TFDP2: variants seen among roughly 807,000 people sequenced by gnomAD.
TFDP2 encodes the protein transcription factor Dp-2, also known as transcription factor Dp-2 (E2F dimerization partner 2).
In TFDP2, 17 loss-of-function variants were observed where a neutral mutation model predicts 59.3. The observed-to-expected ratio is 0.29, with a 90% confidence interval of 0.20 to 0.43. The LOEUF is 0.43. TFDP2 is among the 20% of genes least tolerant of loss of function. The pLI, the probability that TFDP2 is intolerant of heterozygous loss-of-function variation, is 1.00. For missense variants in TFDP2, 391 were observed against 528.8 expected, an observed-to-expected ratio of 0.74 and a Z score of 2.56; for synonymous variants, 180 against 194.7, an observed-to-expected ratio of 0.92 and a Z score of 0.63.
At chr3:142,047,933 G>A (rs944350071) in intron 3 of TFDP2, among the ~76,000 whole-genome samples, 2 of 151,566 alleles carry the variant, frequency 1.3e-5, no homozygotes, top group Non-Finnish European at 2.9e-5. Flanking sequence ...GTAGAGACGC[G>A]GTCTCACCAC....
At chr3:142,071,235 C>A (rs2060237931) in intron 3 of TFDP2, among the ~76,000 whole-genome samples, 1 of 151,852 alleles carries the variant, frequency 6.6e-6, no homozygotes, top group Non-Finnish European at 1.5e-5. Flanking sequence ...TGGCTTACTG[C>A]AAGCTCTGCC....
At chr3:141,961,334 C>G (rs1217763862) in intron 10 of TFDP2, among the ~76,000 whole-genome samples, 1 of 149,138 alleles carries the variant, frequency 6.7e-6, no homozygotes, top group Non-Finnish European at 1.5e-5. Context: ...AACTTCACCT[C>G]CTGGGTTCAA....
At chr3:142,149,155 G>A (rs1337047841) in intron 1 of TFDP2, 28 bp downstream of exon 1, 4 of 397,716 alleles carry the variant, frequency 1.0e-5, no homozygotes, top group Non-Finnish European at 1.8e-5. Context: ...CTCCGCGCGC[G>A]GGCCCGCGCC....
chr3:142,004,888 A>T (rs1324760527), intron 4 of TFDP2, among the ~76,000 whole-genome samples: 1 of 152,240 alleles, frequency 6.6e-6, no homozygotes, highest in Non-Finnish European at 1.5e-5. Context: ...AAAGAGGAAA[A>T]GACTTAATAC....
At position 141,952,630 on chromosome 3, in the gene TFDP2, G is replaced by A; in HGVS notation, c.1224C>T (p.Asn408=). The A allele has an allele frequency of 1.9e-6, 3 of 1,596,796 alleles. 1 individual carries two copies. The highest frequency in any genetic ancestry group is 2.3e-5 in the South Asian group (2 of 87,660). Residue 408 remains asparagine, a synonymous_variant, in exon 13 of 13, where the codon AAC becomes AAT. Transcript: ENST00000489671. Reference sequence around the variant, plus strand: ...AGGCCGCACTGCTGGACTGGTGACTGTTTGGGGCCAGGAACTGCCCAGTTG... The same window carrying A: ...AGGCCGCACTGCTGGACTGGTGACTATTTGGGGCCAGGAACTGCCCAGTTG... The part of the protein sequence containing the change: ...ALATGQFLAP[N]SHQSSSAASH...
intron 1 of TFDP2, among the ~76,000 whole-genome samples, chr3:142,126,975 A>G (rs1402038308): frequency 6.6e-6 from 1 of 150,430 alleles, no homozygotes; most frequent in African/African-American, 2.4e-5. Flanking sequence ...TTACAGTAAA[A>G]TGATGTTAAA....
chr3:142,044,527 C>A (rs948075841), intron 3 of TFDP2, among the ~76,000 whole-genome samples: 4 of 152,094 alleles, frequency 2.6e-5, no homozygotes, highest in Non-Finnish European at 5.9e-5. Flanking sequence ...AGCTGCCACA[C>A]CCGGCCTAAT....
chr3:142,047,419 A>G (rs1947394136), intron 3 of TFDP2, among the ~76,000 whole-genome samples: 1 of 152,164 alleles, frequency 6.6e-6, no homozygotes, highest in Admixed American at 6.5e-5. Context: ...ACGTATAGTC[A>G]ATCACTAATC....
intron 3 of TFDP2, among the ~76,000 whole-genome samples, chr3:142,056,531 T>C (rs1278354266): frequency 6.6e-6 from 1 of 152,140 alleles, no homozygotes; most frequent in Non-Finnish European, 1.5e-5. Context: ...GAACAATGAA[T>C]AATTTTTTAG....
At chr3:142,108,950 GAA>G (rs1432977315) in intron 1 of TFDP2, among the ~76,000 whole-genome samples, 2 of 152,120 alleles carry the variant, frequency 1.3e-5, no homozygotes, top group Non-Finnish European at 2.9e-5. Flanking sequence ...CTTCCTCCGG[GAA>G]AAACATCCGT....
chr3:142,141,255 T>G lies in TFDP2; in HGVS notation c.-93+7928A>C, dbSNP rs117377081. 3.5e-4 allele frequency among the ~76,000 whole-genome samples: 54 copies of G among 152,274 alleles called. No homozygotes were observed. In the East Asian group the frequency reaches 7.7e-3, roughly 22 times the overall value. ...CAGTATTTGGACGAGAGCGTCCCAT[T>G]TTTCCAGGTACAGTCTGTCACGGCT... On this transcript the variant is annotated intron_variant, in intron 1 of 12. Transcript: ENST00000489671.
intron 1 of TFDP2, among the ~76,000 whole-genome samples, chr3:142,125,581 G>A (rs917732015): frequency 2.6e-5 from 4 of 151,962 alleles, no homozygotes; most frequent in Admixed American, 1.3e-4. Context: ...CCATAACTGC[G>A]TATCAATAGT....
intron 3 of TFDP2, among the ~76,000 whole-genome samples, chr3:142,020,736 C>T (rs780796455): frequency 2.0e-5 from 3 of 150,934 alleles, no homozygotes; most frequent in Admixed American, 6.6e-5. Flanking sequence ...ACAGTTCCAG[C>T]ACTTTGGGAG....
intron 11 of TFDP2, among the ~76,000 whole-genome samples, chr3:141,953,352 T>A (rs907046240): frequency 2.0e-5 from 3 of 152,160 alleles, no homozygotes; most frequent in African/African-American, 7.2e-5. Flanking sequence ...CCACCCTCAA[T>A]GCCTTCTGCC....
At chr3:142,042,993 C>A (rs528160508) in intron 3 of TFDP2, among the ~76,000 whole-genome samples, 1 of 151,838 alleles carries the variant, frequency 6.6e-6, no homozygotes, top group African/African-American at 2.4e-5. Context: ...CTGCCCGCCT[C>A]GGCCTCCCAA....
intron 3 of TFDP2, among the ~76,000 whole-genome samples, chr3:142,021,767 A>G (rs1420378314): frequency 2.0e-5 from 3 of 152,166 alleles, no homozygotes; most frequent in African/African-American, 7.2e-5. Flanking sequence ...CCTCAATTCA[A>G]GCTCTGGTAT....
intron 3 of TFDP2, among the ~76,000 whole-genome samples, chr3:142,053,087 C>T (rs1046182081): frequency 5.9e-5 from 9 of 152,150 alleles, no homozygotes; most frequent in Admixed American, 2.0e-4. Flanking sequence ...GGATTACAGG[C>T]GTGAGCCACC....
At position 142,000,474 on chromosome 3, in the gene TFDP2, A is replaced by G. The variant is rs537464930; in HGVS notation, c.186+4967T>C. 3 of 516,488 alleles carry G rather than the reference A, an allele frequency of 5.8e-6. No homozygotes were observed. The South Asian group carries it at 9.6e-5, about 17-fold the overall frequency. The allele number at this position is 516,488 out of a possible 1,614,324, so 32.0% of individuals were successfully genotyped here. A position where few individuals can be genotyped will look rare whatever the true frequency, so the allele number is the denominator to read the frequency against. On this transcript the variant is annotated intron_variant, in intron 4 of 12. Coordinates refer to ENST00000489671, the MANE Select transcript of TFDP2 (RefSeq NM_001178139.2). ...TTCCCAAAAGGCCCCGCCTCTTAATACCACCACAGTAGGGATTAGGTTTCA... is the reference window on the plus strand; with the variant it reads ...TTCCCAAAAGGCCCCGCCTCTTAATGCCACCACAGTAGGGATTAGGTTTCA...
At chr3:142,137,659 C>T (rs1336576907) in intron 1 of TFDP2, among the ~76,000 whole-genome samples, 1 of 152,126 alleles carries the variant, frequency 6.6e-6, no homozygotes, top group Non-Finnish European at 1.5e-5. Flanking sequence ...GTCGTTGGAT[C>T]TGTTTATGTG....
Sources: gnomAD v4.1 joint callset for allele counts (sites outside exome capture counted in the v4.1 genomes callset) on GRCh38, gnomAD v4.1.1 for gene constraint, MANE v1.5 for transcripts, NCBI Gene and HGNC (gene_info 2026-07-23, HGNC 2026-07-21) for gene names.